PRKCQ: variants seen among roughly 807,000 people sequenced by gnomAD.
PRKCQ encodes the protein protein kinase C theta type.
Under a neutral mutation model 91.2 loss-of-function variants are expected in PRKCQ, and 41 were observed. The ratio of observed to expected loss-of-function variants is 0.45; its 90% confidence interval spans 0.35 to 0.58. The LOEUF (loss-of-function observed/expected upper bound fraction) is 0.58, where lower values mean the gene tolerates loss of function less well. PRKCQ is among the 20% of genes least tolerant of loss of function. The pLI, the probability that PRKCQ is intolerant of heterozygous loss-of-function variation, is 0.00. For synonymous variants in PRKCQ, 307 were observed against 316.9 expected (o/e 0.97, Z 0.33); for missense variants, 673 against 896.5 (o/e 0.75, Z 3.18).
rs142858491 is a variant in PRKCQ at position 6,477,320 on chromosome 10, C to T, written c.1353+1672G>A. Among the ~76,000 whole-genome samples the T allele has an allele frequency of 1.6e-3, 247 of 152,342 alleles. 2 individuals are homozygous for T. Among genetic ancestry groups the T allele is most frequent in the African/African-American group, 5.3e-3 (221 of 41,580 alleles). On this transcript the variant is annotated intron_variant, in intron 12 of 17. Transcript: ENST00000263125. The stretch of plus-strand genomic sequence containing the variant: ...TCTGTATCCTCCACAGTGCTTTGAG[C>T]ACAGCATATGCTCAGTAAGTGCTTT...
intron 1 of PRKCQ, among the ~76,000 whole-genome samples, chr10:6,570,370 C>CT (rs1377074940): frequency 6.7e-6 from 1 of 148,832 alleles, no homozygotes; most frequent in Non-Finnish European, 1.5e-5. Flanking sequence ...GATATATATT[C>CT]TTTTTTTCAC....
At chr10:6,443,143 G>T (rs1468400613) in intron 15 of PRKCQ, among the ~76,000 whole-genome samples, 1 of 152,128 alleles carries the variant, frequency 6.6e-6, no homozygotes, top group Non-Finnish European at 1.5e-5. Context: ...GGCAAAAAAG[G>T]CTTTGTATGT....
At chr10:6,454,838 C>T (rs996746154) in intron 15 of PRKCQ, among the ~76,000 whole-genome samples, 2 of 152,014 alleles carry the variant, frequency 1.3e-5, no homozygotes, top group Non-Finnish European at 2.9e-5. Context: ...AGAAGAGGAC[C>T]AAGCACTGAA....
chr10:6,418,581 C>G, the PRKCQ span, among the ~76,000 whole-genome samples: 1 of 152,204 alleles, frequency 6.6e-6, no homozygotes, highest in Admixed American at 6.5e-5. Flanking sequence ...CTCAGGAGCC[C>G]TCAGTGCTCC....
chr10:6,553,423 GAGGTTGC>G (rs1840265479), intron 1 of PRKCQ, among the ~76,000 whole-genome samples: 1 of 150,330 alleles, frequency 6.7e-6, no homozygotes, highest in South Asian at 2.1e-4. Flanking sequence ...CCTGGAGGTG[GAGGTTGC>G]AGAGAGCCGA....
At chr10:6,517,580 G>A (rs1264524576) in intron 1 of PRKCQ, among the ~76,000 whole-genome samples, 2 of 100,116 alleles carry the variant, frequency 2.0e-5, no homozygotes, top group African/African-American at 7.7e-5. Flanking sequence ...GCATCTTTAA[G>A]ATAGCATCTT....
At chr10:6,460,935 G>C (rs550081221) in intron 14 of PRKCQ, among the ~76,000 whole-genome samples, 1 of 105,072 alleles carries the variant, frequency 9.5e-6, no homozygotes, top group Non-Finnish European at 2.2e-5. Flanking sequence ...TCATCCATCC[G>C]TTGTCCATCC....
rs114958526 is a variant in PRKCQ at position 6,573,435 on chromosome 10, G to A, written c.-10+6776C>T. Among the ~76,000 whole-genome samples the A allele has an allele frequency of 3.1e-3, 473 of 152,198 alleles. 6 individuals are homozygous for A. The highest frequency in any genetic ancestry group is 0.011 in the African/African-American group (444 of 41,548). On this transcript the variant is annotated intron_variant, in intron 1 of 17. Coordinates refer to ENST00000263125, the MANE Select transcript of PRKCQ (RefSeq NM_006257.5). ...CCATACATCTTCCATCCCCACCCGC[G>A]ATACCTTGTCCTCTGAAAGCCTTTC...
chr10:6,398,826 T>C, the PRKCQ span, among the ~76,000 whole-genome samples: 1 of 152,182 alleles, frequency 6.6e-6, no homozygotes, highest in Admixed American at 6.5e-5. Context: ...CAATTACAGC[T>C]CACTGCAACC....
At chr10:6,536,032 TG>T (rs1353046825) in intron 1 of PRKCQ, among the ~76,000 whole-genome samples, 2 of 151,990 alleles carry the variant, frequency 1.3e-5, no homozygotes, top group Non-Finnish European at 2.9e-5. Flanking sequence ...AGGTCACCCT[TG>T]GGGACAGTAG....
chr10:6,481,022 A>G (rs370501972), intron 11 of PRKCQ, among the ~76,000 whole-genome samples: 16 of 152,342 alleles, frequency 1.1e-4, no homozygotes, highest in African/African-American at 3.1e-4. Flanking sequence ...GAGAGAAAAG[A>G]CAAGTTTTGG....
chr10:6,459,893 C>T (rs1835231156), intron 14 of PRKCQ, among the ~76,000 whole-genome samples: 2 of 152,166 alleles, frequency 1.3e-5, no homozygotes, highest in South Asian at 2.1e-4. Context: ...GTTTTGTGAA[C>T]AAATTCAGAA....
the PRKCQ span, among the ~76,000 whole-genome samples, chr10:6,413,579 G>A: frequency 1.5e-3 from 35 of 23,242 alleles, 7 homozygotes; most frequent in African/African-American, 4.4e-3. Context: ...TGGATTAAAT[G>A]CCACTTGTGC....
At chr10:6,442,906 G>A (rs1366802765) in intron 15 of PRKCQ, among the ~76,000 whole-genome samples, 1 of 152,084 alleles carries the variant, frequency 6.6e-6, no homozygotes, top group Non-Finnish European at 1.5e-5. Flanking sequence ...TGGTTGCAGT[G>A]AGCCAAGATC....
rs1204007055 is a variant in PRKCQ, at chr10:6,511,175, G to A, written c.138C>T (p.Ile46=). The A allele has an allele frequency of 1.9e-6, 3 of 1,613,864 alleles. No homozygotes were observed. The South Asian group carries it at 3.3e-5, about 18-fold the overall frequency. The change falls in exon 3 of 18, where the codon ATC becomes ATT. Residue 46 remains isoleucine (I), a synonymous_variant. Coordinates refer to ENST00000263125, the MANE Select transcript of PRKCQ (RefSeq NM_006257.5). ...YVESENGQMY[I]QKKPTMYPPW... ...GTGGGTACATGGTAGGCTTTTTCTG[G>A]ATATACATCTGCCCGTTCTCTAGGA...
At chr10:6,434,873 TAGAC>T (rs1226068516) in intron 16 of PRKCQ, among the ~76,000 whole-genome samples, 1 of 152,220 alleles carries the variant, frequency 6.6e-6, no homozygotes, top group African/African-American at 2.4e-5. Flanking sequence ...TTCAAACAAA[TAGAC>T]AGGACATCCT....
At chr10:6,518,503 A>G (rs959517569) in intron 1 of PRKCQ, among the ~76,000 whole-genome samples, 1 of 152,080 alleles carries the variant, frequency 6.6e-6, no homozygotes, top group Non-Finnish European at 1.5e-5. Context: ...TTTAAGCTGT[A>G]AAAAGAATTA....
At chr10:6,566,734 C>A (rs998105604) in intron 1 of PRKCQ, among the ~76,000 whole-genome samples, 5 of 152,132 alleles carry the variant, frequency 3.3e-5, no homozygotes, top group African/African-American at 9.6e-5. Context: ...ATGGAGAGAA[C>A]TCAGGAGGGG....
chr10:6,402,193 T>C, the PRKCQ span, among the ~76,000 whole-genome samples: 1 of 151,754 alleles, frequency 6.6e-6, no homozygotes, highest in Admixed American at 6.6e-5. Context: ...CACCGGGGCC[T>C]GTTGGGGGAT....
Sources: gnomAD v4.1 joint callset for allele counts (sites outside exome capture counted in the v4.1 genomes callset) on GRCh38, gnomAD v4.1.1 for gene constraint, MANE v1.5 for transcripts, NCBI Gene and HGNC (gene_info 2026-07-23, HGNC 2026-07-21) for gene names.